Variants in MAP1B observed in about 807,000 individuals in gnomAD.
The protein encoded by MAP1B is microtubule associated protein 1B, also known as microtubule-associated protein 1B.
Under a neutral mutation model 176.1 loss-of-function variants are expected in MAP1B, and 12 were observed. The ratio of observed to expected loss-of-function variants is 0.07; its 90% CI spans 0.04 to 0.11. MAP1B has a LOEUF of 0.11. Among genes scored for constraint, MAP1B ranks in the 10% least tolerant of loss-of-function variants. The pLI is 1.00. For missense variants in MAP1B, 2,523 were observed against 2,990.5 expected, an observed-to-expected ratio of 0.84 and a Z score of 3.65; for synonymous variants, 1,044 against 1,135.0, an observed-to-expected ratio of 0.92 and a Z score of 1.61.
chr5:72,195,021 T>C lies in MAP1B; in HGVS notation c.1666T>C (p.Ser556Pro). The change falls in exon 5 of 7, where the codon TCC becomes CCC. Residue 556 changes from serine to proline, a missense_variant. By Grantham distance (74) the Ser-to-Pro change is moderately conservative. Around this residue, in one of 4 missense-constraint regions of MAP1B, gnomAD observed 1,925 missense variants for 2,126.0 expected, o/e 0.91. Coordinates refer to ENST00000296755, the MANE Select transcript of MAP1B (RefSeq NM_005909.5). Reference sequence around the variant, plus strand: ...AGCCGCAAAACCACTTCCTAGCAAATCCGTGCGCAAGGAGTCAAAAGAAGA... The same window carrying C: ...AGCCGCAAAACCACTTCCTAGCAAACCCGTGCGCAAGGAGTCAAAAGAAGA... ...KPAAKPLPSK[S>P]VRKESKEETP... is the part of the protein sequence containing the mutation. 1.2e-6 allele frequency: 2 copies of C among 1,613,432 alleles called. No individual in the cohort carries two copies. The highest frequency in any genetic ancestry group is 1.7e-6 in the Non-Finnish European group (2 of 1,179,932).
chr5:72,205,066 T>C lies in MAP1B; in HGVS notation c.7252-18T>C, dbSNP rs1230722904. On this transcript the variant is annotated intron_variant, in intron 6 of 6. Coordinates refer to ENST00000296755, the MANE Select transcript of MAP1B (RefSeq NM_005909.5). ...GTTTCTGCCCTTAAATAGCTATTTT[T>C]TTTTTCTCTCCCTGCAGGTGACACT... The C allele has an allele frequency of 1.3e-6, 2 of 1,587,638 alleles. No individual in the cohort carries two copies. The highest frequency in any genetic ancestry group is 1.7e-6 in the Non-Finnish European group (2 of 1,171,070).
rs1413612747 is a variant in MAP1B, at chr5:72,198,995, G to A, written c.5640G>A (p.Arg1880=). 3.1e-6 allele frequency: 5 copies of A among 1,614,142 alleles called. No homozygotes were observed. Among genetic ancestry groups the A allele is most frequent in the Non-Finnish European group, 4.2e-6 (5 of 1,180,020 alleles). Residue 1880 remains arginine (R), a synonymous_variant, in exon 5 of 7, where the codon AGG becomes AGA. Transcript: ENST00000296755. The part of the protein sequence containing the change: ...YAYQKPEETT[R]SPDEEDYDYE... ...ATCAAAAGCCTGAGGAAACAACCAG[G>A]TCCCCAGATGAAGAAGATTATGACT...
chr5:72,159,445 GTA>G (rs55781137), intron 2 of MAP1B, among the ~76,000 whole-genome samples: 1 of 152,060 alleles, frequency 6.6e-6, no homozygotes, highest in Non-Finnish European at 1.5e-5. Context: ...GATAGATAGT[GTA>G]TGTTAACATA....
In MAP1B at chr5:72,186,098, C is replaced by T. The variant is rs570881163; in HGVS notation, c.370-516C>T. On this transcript the variant is annotated intron_variant, in intron 3 of 6. Transcript: ENST00000296755. This position sits in a 1 kb window ranked among gnomAD's most constrained non-coding sequence, Gnocchi z 4.3. Reference sequence around the variant, plus strand: ...TGGAGCTGTGTGTGTGCTTGCTGCACGCCTTGGAAGGGCATATGGGAGGGG... The same window carrying T: ...TGGAGCTGTGTGTGTGCTTGCTGCATGCCTTGGAAGGGCATATGGGAGGGG... Among the ~76,000 whole-genome samples the T allele has an allele frequency of 2.2e-4, 34 of 152,290 alleles. No homozygotes were observed. Among genetic ancestry groups the T allele is most frequent in the Middle Eastern group, 3.4e-3 (1 of 294 alleles).
Position 72,165,428 on chromosome 5 carries a change from G to A in MAP1B, c.287-18315G>A, listed in dbSNP as rs72779283. ...ACAGACCCAGAATCTAAAATAAATC[G>A]GAATTTAAAATGTTGTACATCAGTT... On this transcript the variant is annotated intron_variant, in intron 2 of 6. Coordinates refer to ENST00000296755, the MANE Select transcript of MAP1B (RefSeq NM_005909.5). 1.1e-3 allele frequency among the ~76,000 whole-genome samples: 171 copies of A among 152,208 alleles called. 1 individual carries two copies. The highest frequency in any genetic ancestry group is 6.8e-3 in the Middle Eastern group (2 of 294).
chr5:72,179,657 C>T (rs537650055), intron 2 of MAP1B: 9 of 985,506 alleles, frequency 9.1e-6, no homozygotes, highest in Non-Finnish European at 1.1e-5. Context: ...CCCCAGGTTA[C>T]GTCGTCCCCA....
chr5:72,116,228 A>G (rs1030040282), intron 2 of MAP1B, among the ~76,000 whole-genome samples: 3 of 152,184 alleles, frequency 2.0e-5, no homozygotes, highest in Non-Finnish European at 4.4e-5. Flanking sequence ...CTGAATACAA[A>G]TTGGATGCTC....
chr5:72,190,875 G>A (rs1048164859), intron 4 of MAP1B, among the ~76,000 whole-genome samples: 11 of 152,200 alleles, frequency 7.2e-5, no homozygotes, highest in South Asian at 2.1e-4. Context: ...AATGTAGTTC[G>A]TAGGCCATGG....
chr5:72,165,554 TCC>T (rs1746411818), intron 2 of MAP1B, among the ~76,000 whole-genome samples: 1 of 152,066 alleles, frequency 6.6e-6, no homozygotes, highest in Non-Finnish European at 1.5e-5. Context: ...ACAGTCCTGT[TCC>T]TGGCCAAAAA....
At chr5:72,158,510 G>T (rs1580000169) in intron 2 of MAP1B, among the ~76,000 whole-genome samples, 1 of 152,300 alleles carries the variant, frequency 6.6e-6, no homozygotes, top group East Asian at 1.9e-4. Context: ...CAGCACAAGG[G>T]AGCTGCCCTA....
At chr5:72,171,764 G>A (rs960476909) in intron 2 of MAP1B, among the ~76,000 whole-genome samples, 11 of 152,106 alleles carry the variant, frequency 7.2e-5, no homozygotes, top group South Asian at 6.2e-4. Flanking sequence ...CTGGTGTGCC[G>A]AGAATCACCC....
intron 3 of MAP1B, 43 bp downstream of exon 3, chr5:72,183,868 A>C (rs1746835265): frequency 5.9e-6 from 9 of 1,523,262 alleles, no homozygotes; most frequent in Non-Finnish European, 7.3e-6. Flanking sequence ...GGCCCCACAC[A>C]CTGGATAGGG....
rs1746680016 is a variant in MAP1B, at chr5:72,177,776, T to TAAA, written c.287-5967_287-5966insAAA. On this transcript the variant is annotated intron_variant, in intron 2 of 6. Transcript: ENST00000296755. ...TCCTGTACCAAGCACCTTTCATTTC[T>TAAA]TGCTCTTAGCCATTTAGCTAAATTT... Among the ~76,000 whole-genome samples the TAAA allele has an allele frequency of 3.9e-5, 6 of 152,376 alleles. No individual in the cohort carries two copies. In the South Asian group the frequency reaches 1.2e-3, roughly 32 times the overall value.
rs1263441451 is a variant in MAP1B at position 72,208,849 on chromosome 5, G to A, written c.*3610G>A. On this transcript the variant is annotated 3_prime_UTR_variant, in exon 7 of 7. Coordinates refer to ENST00000296755, the MANE Select transcript of MAP1B (RefSeq NM_005909.5). Reference sequence around the variant, plus strand: ...TGCCTCTCTTTAGTCACCTGTCACAGGAGGTTCCTGCTCAGTAATGATATT... The same window carrying A: ...TGCCTCTCTTTAGTCACCTGTCACAAGAGGTTCCTGCTCAGTAATGATATT... 3 of 152,110 alleles carry A rather than the reference G, an allele frequency of 2.0e-5. No individual in the cohort carries two copies. Among genetic ancestry groups the A allele is most frequent in the Non-Finnish European group, 2.9e-5 (2 of 68,020 alleles). The allele number at this position is 152,110 out of a possible 1,614,324, so 9.4% of individuals were successfully genotyped here. A position where few individuals can be genotyped will look rare whatever the true frequency, so the allele number is the denominator to read the frequency against.
intron 2 of MAP1B, among the ~76,000 whole-genome samples, chr5:72,130,326 G>A (rs975448569): frequency 6.6e-6 from 1 of 152,120 alleles, no homozygotes; most frequent in Non-Finnish European, 1.5e-5. Context: ...AAAAAGGAAT[G>A]CAATTATCTT....
chr5:72,163,170 G>A (rs1746357907), intron 2 of MAP1B, among the ~76,000 whole-genome samples: 1 of 149,154 alleles, frequency 6.7e-6, no homozygotes. Flanking sequence ...GGAGGTTGTG[G>A]TGAGCCAATA....
At chr5:72,132,677 C>T (rs549434959) in intron 2 of MAP1B, among the ~76,000 whole-genome samples, 1 of 152,158 alleles carries the variant, frequency 6.6e-6, no homozygotes, top group Non-Finnish European at 1.5e-5. Flanking sequence ...TTCAGCCCAC[C>T]CTGTTTTTAT....
chr5:72,126,930 A>G (rs1006294170), intron 2 of MAP1B, among the ~76,000 whole-genome samples: 1 of 152,244 alleles, frequency 6.6e-6, no homozygotes, highest in Non-Finnish European at 1.5e-5. Context: ...CATAGAGACT[A>G]TCCCCAAAGT....
intron 2 of MAP1B, among the ~76,000 whole-genome samples, chr5:72,171,642 C>A (rs1302293091): frequency 2.0e-5 from 3 of 152,062 alleles, no homozygotes; most frequent in Non-Finnish European, 4.4e-5. Context: ...TTCAATCAAA[C>A]CCAAATGGGA....
Sources: gnomAD v4.1 joint callset for allele counts (sites outside exome capture counted in the v4.1 genomes callset) on GRCh38, gnomAD v4.1.1 for gene constraint, gnomAD v4.1.1 regional missense constraint, Gnocchi (gnomAD v3.1) non-coding constraint, MANE v1.5 for transcripts, NCBI Gene and HGNC (gene_info 2026-07-23, HGNC 2026-07-21) for gene names.